Variants in USH2A observed in about 807,000 individuals in gnomAD.
USH2A encodes Usher syndrome 2A (autosomal recessive, mild).
A neutral mutation model predicts 538.9 loss-of-function variants in USH2A; 443 were observed. That is an observed-to-expected ratio of 0.82 (90% CI 0.76 to 0.89). The LOEUF (loss-of-function observed/expected upper bound fraction) is 0.89. Ranked by LOEUF, USH2A falls within the 40% of genes least tolerant of loss-of-function variation. The pLI is 0.00. For missense variants in USH2A, 6,633 were observed against 6,324.8 expected, an observed-to-expected ratio of 1.05 and a Z score of -1.65; for synonymous variants, 2,413 against 2,273.5, an observed-to-expected ratio of 1.06 and a Z score of -1.75.
chr1:216,399,403 C>T (rs1558071533), intron 3 of USH2A, among the ~76,000 whole-genome samples: 1 of 152,118 alleles, frequency 6.6e-6, no homozygotes, highest in Non-Finnish European at 1.5e-5. Flanking sequence ...AGCCCCTACT[C>T]CCAGTGGTAT....
chr1:215,717,286 A>C (rs1432283062), intron 61 of USH2A, among the ~76,000 whole-genome samples: 1 of 152,198 alleles, frequency 6.6e-6, no homozygotes, highest in African/African-American at 2.4e-5. Context: ...CATCTGATCA[A>C]ACCCTGCCAA....
chr1:216,132,792 G>A (rs2033403778), intron 21 of USH2A, among the ~76,000 whole-genome samples: 1 of 151,954 alleles, frequency 6.6e-6, no homozygotes, highest in African/African-American at 2.4e-5. Context: ...AATCCTCTCT[G>A]GGGACACATG....
At chr1:215,902,696 A>T (rs1017307452) in intron 38 of USH2A, among the ~76,000 whole-genome samples, 1 of 152,164 alleles carries the variant, frequency 6.6e-6, no homozygotes, top group African/African-American at 2.4e-5. Context: ...AGAAAATGCA[A>T]TTCAGTGATA....
At chr1:216,381,359 A>G (rs961147498) in intron 3 of USH2A, among the ~76,000 whole-genome samples, 119 of 152,200 alleles carry the variant, frequency 7.8e-4, no homozygotes, top group African/African-American at 2.8e-3. Flanking sequence ...AGGATCTTGA[A>G]CATGTTGCTA....
chr1:216,253,227 G>C (rs1350520491), intron 11 of USH2A, among the ~76,000 whole-genome samples: 2 of 149,312 alleles, frequency 1.3e-5, no homozygotes, highest in Admixed American at 1.3e-4. Context: ...CTGCAAATTT[G>C]GAGTACAATG....
chr1:216,129,436 G>A (rs1323748150), intron 21 of USH2A, among the ~76,000 whole-genome samples: 2 of 151,036 alleles, frequency 1.3e-5, no homozygotes, highest in Non-Finnish European at 3.0e-5. Flanking sequence ...ATCTGAAAAA[G>A]AAATAATTAA....
rs561937570 is a variant in USH2A at position 216,322,172 on chromosome 1, T to C, written c.1551-196A>G. Among the ~76,000 whole-genome samples, 150 of 152,316 alleles carry C rather than the reference T, an allele frequency of 9.8e-4. 1 individual carries two copies. The highest frequency in any genetic ancestry group is 3.5e-3 in the African/African-American group (144 of 41,566). On this transcript the variant is annotated intron_variant, in intron 8 of 71. Transcript: ENST00000307340. ...ATTTATCTGGAAATGTCAGAAGGAC[T>C]GTCACCAATATCCAAACCCGTGTAT...
chr1:216,355,506 T>C (rs1038062288), intron 4 of USH2A, among the ~76,000 whole-genome samples: 4 of 152,062 alleles, frequency 2.6e-5, no homozygotes, highest in African/African-American at 7.2e-5. Flanking sequence ...CAGTAATCAA[T>C]GTAGAATTCT....
chr1:215,938,694 C>T (rs1666564246), intron 37 of USH2A, among the ~76,000 whole-genome samples: 1 of 152,114 alleles, frequency 6.6e-6, no homozygotes, highest in Admixed American at 6.6e-5. Flanking sequence ...CCGCAACTCC[C>T]CACTGCCTGC....
chr1:215,635,475 C>G (rs1013199481), intron 69 of USH2A, among the ~76,000 whole-genome samples: 1 of 152,216 alleles, frequency 6.6e-6, no homozygotes, highest in Non-Finnish European at 1.5e-5. Flanking sequence ...AAGAATGTAC[C>G]TGGTGCCAGG....
intron 41 of USH2A, among the ~76,000 whole-genome samples, chr1:215,881,860 C>T (rs115796643): frequency 0.011 from 1,646 of 152,194 alleles, 23 homozygotes; most frequent in African/African-American, 0.037. Context: ...GAAAATAGGA[C>T]GGCTAAATTG....
chr1:216,259,153 C>A (rs540111809), intron 11 of USH2A, among the ~76,000 whole-genome samples: 5 of 152,072 alleles, frequency 3.3e-5, no homozygotes, highest in Admixed American at 3.3e-4. Flanking sequence ...CACTTTCTTA[C>A]AAACTCCAAA....
intron 21 of USH2A, chr1:216,174,586 T>G: frequency 1.0e-6 from 1 of 981,062 alleles, no homozygotes; most frequent in Non-Finnish European, 1.2e-6. Flanking sequence ...CATTAAAATT[T>G]ACATTAACAC....
intron 40 of USH2A, among the ~76,000 whole-genome samples, chr1:215,890,761 T>G (rs772472438): frequency 6.6e-6 from 1 of 152,190 alleles, no homozygotes; most frequent in Non-Finnish European, 1.5e-5. Context: ...TCATCTAGAT[T>G]TGGCTATTTC....
intron 11 of USH2A, among the ~76,000 whole-genome samples, chr1:216,286,167 A>G (rs2036879190): frequency 6.6e-6 from 1 of 152,168 alleles, no homozygotes. Flanking sequence ...CCCAAATCTC[A>G]TCTTGAATTG....
chr1:215,822,669 G>A (rs1327512320), intron 47 of USH2A, among the ~76,000 whole-genome samples: 2 of 151,892 alleles, frequency 1.3e-5, no homozygotes, highest in Admixed American at 1.3e-4. Context: ...GAATAAAAGT[G>A]TAAGTGGGTA....
chr1:215,873,621 T>A (rs1664677700), intron 43 of USH2A, among the ~76,000 whole-genome samples: 1 of 152,146 alleles, frequency 6.6e-6, no homozygotes. Flanking sequence ...AAAATATATG[T>A]CAATAAGATT....
At position 215,800,781 on chromosome 1, in the gene USH2A, T is replaced by C. The variant is rs149958008; in HGVS notation, c.9740-1656A>G. On this transcript the variant is annotated intron_variant, in intron 49 of 71. Transcript: ENST00000307340. ...TTGGCCAAAAATCCATCTCACTAGATGAAATGAGCAAATTACTAGAAACAT... is the reference window on the plus strand; with the variant it reads ...TTGGCCAAAAATCCATCTCACTAGACGAAATGAGCAAATTACTAGAAACAT... Among the ~76,000 whole-genome samples, 623 of 152,190 alleles carry C rather than the reference T, an allele frequency of 4.1e-3. 5 individuals carry two copies. Among genetic ancestry groups the C allele is most frequent in the Middle Eastern group, 0.014 (4 of 292 alleles).
chr1:216,182,348 A>G (rs1056619390), intron 20 of USH2A, among the ~76,000 whole-genome samples: 3 of 152,028 alleles, frequency 2.0e-5, no homozygotes, highest in African/African-American at 7.2e-5. Context: ...TATAGGATAC[A>G]TAGTATATTA....
Sources: allele counts gnomAD v4.1 joint callset (sites outside exome capture counted in the v4.1 genomes callset), GRCh38; gene constraint gnomAD v4.1.1; transcripts MANE v1.5; gene names NCBI Gene and HGNC (gene_info 2026-07-23, HGNC 2026-07-21).